ASIC2: variants seen among roughly 807,000 people sequenced by gnomAD.
The protein encoded by ASIC2 is acid-sensing ion channel 2.
A neutral mutation model predicts 57.3 loss-of-function variants in ASIC2; 25 were observed. That is an observed-to-expected ratio of 0.44 (90% CI 0.32 to 0.61). The LOEUF is 0.61. ASIC2 is among the 20% of genes least tolerant of loss of function. The pLI is 0.06. For missense variants in ASIC2, 641 were observed against 738.1 expected (o/e 0.87, Z 1.52); for synonymous variants, 319 against 307.5 (o/e 1.04, Z -0.39).
chr17:34,117,255 T>A (rs1223378544), intron 1 of ASIC2, among the ~76,000 whole-genome samples: 1 of 152,134 alleles, frequency 6.6e-6, no homozygotes, highest in Non-Finnish European at 1.5e-5. Flanking sequence ...GGAAAAAAGA[T>A]ATATAAACAG....
At chr17:33,338,745 G>A (rs1907619415) in intron 1 of ASIC2, among the ~76,000 whole-genome samples, 2 of 152,040 alleles carry the variant, frequency 1.3e-5, no homozygotes, top group South Asian at 4.2e-4. Flanking sequence ...AAATTTCTTG[G>A]GTGGATAAGA....
At chr17:33,116,102 C>T (rs1402231626) in intron 1 of ASIC2, among the ~76,000 whole-genome samples, 1 of 152,202 alleles carries the variant, frequency 6.6e-6, no homozygotes, top group Non-Finnish European at 1.5e-5. Flanking sequence ...ACTAAGATGA[C>T]TGGGGACAGT....
At chr17:33,384,502 C>T (rs752787071) in intron 1 of ASIC2, among the ~76,000 whole-genome samples, 2 of 152,070 alleles carry the variant, frequency 1.3e-5, no homozygotes, top group Non-Finnish European at 2.9e-5. Flanking sequence ...GTGCCATCCA[C>T]ATTTGACAGG....
In ASIC2 at chr17:33,406,418, C is replaced by G. The variant is rs573248767; in HGVS notation, c.556-294351G>C. On this transcript the variant is annotated intron_variant, in intron 1 of 9. Coordinates refer to the ASIC2 transcript ENST00000359872. ...ATGGGTGGGCCAAGTCTTATTTGTA[C>G]AAGACTGAGTTTTCCTCAAGGTTCT... 3.9e-4 allele frequency among the ~76,000 whole-genome samples: 60 copies of G among 152,270 alleles called. No individual in the cohort carries two copies. In the Middle Eastern group the frequency reaches 0.01, roughly 26 times the overall value.
chr17:34,087,433 T>C (rs1910151832), intron 1 of ASIC2, among the ~76,000 whole-genome samples: 1 of 152,214 alleles, frequency 6.6e-6, no homozygotes, highest in African/African-American at 2.4e-5. Context: ...GGGCTTCCCT[T>C]TGTGGGTAAC....
intron 1 of ASIC2, among the ~76,000 whole-genome samples, chr17:33,527,941 T>C (rs1433468375): frequency 6.6e-6 from 1 of 152,122 alleles, no homozygotes; most frequent in Non-Finnish European, 1.5e-5. Context: ...TGACATTTTC[T>C]GTAGGAAGAG....
chr17:34,012,630 T>C (rs1285412380), intron 1 of ASIC2, among the ~76,000 whole-genome samples: 2 of 152,188 alleles, frequency 1.3e-5, no homozygotes, highest in Non-Finnish European at 2.9e-5. Context: ...GTTTAGATTT[T>C]CAGTATAACC....
chr17:34,059,961 C>T (rs1451269670), intron 1 of ASIC2, among the ~76,000 whole-genome samples: 1 of 152,200 alleles, frequency 6.6e-6, no homozygotes, highest in Non-Finnish European at 1.5e-5. Flanking sequence ...TAGGGCCCTG[C>T]CCACCACCAG....
intron 1 of ASIC2, among the ~76,000 whole-genome samples, chr17:33,561,489 G>A (rs556511742): frequency 6.6e-6 from 1 of 152,288 alleles, no homozygotes; most frequent in African/African-American, 2.4e-5. Flanking sequence ...TCTTCAGGAA[G>A]GCAAATAATT....
intron 1 of ASIC2, among the ~76,000 whole-genome samples, chr17:33,369,896 G>A (rs1908976859): frequency 1.3e-5 from 2 of 152,160 alleles, no homozygotes; most frequent in African/African-American, 4.8e-5. Flanking sequence ...TCATGGAAGG[G>A]TACCTGCTTG....
chr17:33,901,799 G>A (rs1251356695), intron 1 of ASIC2, among the ~76,000 whole-genome samples: 3 of 152,052 alleles, frequency 2.0e-5, no homozygotes, highest in Non-Finnish European at 2.9e-5. Flanking sequence ...AAATTGTCTT[G>A]GAAGCTTTGT....
At chr17:33,927,479 C>T (rs1915848607) in intron 1 of ASIC2, among the ~76,000 whole-genome samples, 1 of 152,158 alleles carries the variant, frequency 6.6e-6, no homozygotes, top group South Asian at 2.1e-4. Flanking sequence ...ACCCTTTCTG[C>T]CATGTGAAGA....
chr17:33,323,066 A>T (rs978329938), intron 1 of ASIC2, among the ~76,000 whole-genome samples: 1 of 152,126 alleles, frequency 6.6e-6, no homozygotes, highest in African/African-American at 2.4e-5. Context: ...ACATAACTGA[A>T]CTCTCACATG....
At chr17:33,257,559 C>T (rs1032021091) in intron 1 of ASIC2, among the ~76,000 whole-genome samples, 10 of 152,344 alleles carry the variant, frequency 6.6e-5, no homozygotes, top group Admixed American at 6.5e-4. Context: ...GAGTGGCAAA[C>T]TCCCACCCCT....
intron 1 of ASIC2, among the ~76,000 whole-genome samples, chr17:33,146,495 T>G (rs942596677): frequency 3.9e-5 from 6 of 152,278 alleles, no homozygotes; most frequent in South Asian, 2.1e-4. Flanking sequence ...CTTCCTACTA[T>G]CAAAAACTAG....
At chr17:33,910,570 A>G (rs1376675408) in intron 1 of ASIC2, among the ~76,000 whole-genome samples, 1 of 152,110 alleles carries the variant, frequency 6.6e-6, no homozygotes, top group East Asian at 1.9e-4. Flanking sequence ...ATTTGTCACA[A>G]TTTTAATTGC....
intron 1 of ASIC2, among the ~76,000 whole-genome samples, chr17:33,736,988 C>T (rs1909933806): frequency 6.6e-6 from 1 of 152,240 alleles, no homozygotes; most frequent in African/African-American, 2.4e-5. Flanking sequence ...AAAGCATATG[C>T]TATGATATAT....
At chr17:33,636,883 A>C (rs1444445877) in intron 1 of ASIC2, among the ~76,000 whole-genome samples, 2 of 151,796 alleles carry the variant, frequency 1.3e-5, no homozygotes, top group East Asian at 1.9e-4. Context: ...ACACACCCAC[A>C]CACACACACA....
intron 1 of ASIC2, among the ~76,000 whole-genome samples, chr17:33,906,546 A>T (rs1011368856): frequency 2.6e-5 from 4 of 152,204 alleles, no homozygotes; most frequent in Admixed American, 1.3e-4. Context: ...GTGGTACATT[A>T]AGAGGTTCAA....
Sources: allele counts gnomAD v4.1 joint callset (sites outside exome capture counted in the v4.1 genomes callset), GRCh38; gene constraint gnomAD v4.1.1; transcripts MANE v1.5; gene names NCBI Gene and HGNC (gene_info 2026-07-23, HGNC 2026-07-21).